Variants in DCTN1 observed in about 807,000 individuals in gnomAD.
DCTN1 encodes the protein 150 kDa dynein-associated polypeptide.
In DCTN1, 61 loss-of-function variants were observed where a neutral mutation model predicts 161.2. The observed-to-expected ratio is 0.38, with a 90% CI of 0.31 to 0.47. The LOEUF is 0.47. Ranked by LOEUF, DCTN1 falls within the 20% of genes least tolerant of loss-of-function variation. The pLI is 0.99. For synonymous variants in DCTN1, 653 were observed against 632.4 expected (o/e 1.03, Z -0.49); for missense variants, 1,404 against 1,623.7 (o/e 0.86, Z 2.33).
intron 1 of DCTN1, among the ~76,000 whole-genome samples, chr2:74,390,977 ATAT>A (rs1675970490): frequency 6.6e-6 from 1 of 152,226 alleles, no homozygotes; most frequent in Non-Finnish European, 1.5e-5. Context: ...TTCATGGTAA[ATAT>A]TATTAGCATA....
At chr2:74,380,344 G>C (rs1368058646), upstream of DCTN1, 1 of 541,690 alleles carries the variant, frequency 1.8e-6, no homozygotes, top group East Asian at 3.8e-5. Context: ...GTCAGGAACC[G>C]TGCTAGCCTC....
chr2:74,372,847 T>C (rs1674959027), intron 7 of DCTN1, 81 bp downstream of exon 7: 4 of 1,391,144 alleles, frequency 2.9e-6, no homozygotes, highest in South Asian at 2.3e-5. Context: ...CACTTGCTCA[T>C]ACACGTGCCC....
chr2:74,370,774 C>T lies in DCTN1; in HGVS notation c.895G>A (p.Asp299Asn). 2 of 1,614,218 alleles carry T rather than the reference C, an allele frequency of 1.2e-6. No homozygotes were observed. The highest frequency in any genetic ancestry group is 8.5e-7 in the Non-Finnish European group (1 of 1,180,036). ...GCCATCTCAATGGCATCAGCAGTAT[C>T]AGCCATCTCCTCCATATAGCGTTCC... is the stretch of plus-strand genomic sequence containing the variant. ...AKERYMEEMADTADAIEMATL... is the reference protein window; with the variant it reads ...AKERYMEEMANTADAIEMATL... The change falls in exon 10 of 32, where the codon GAT (aspartate) becomes AAT (asparagine). Residue 299 changes from aspartate (D) to asparagine (N), a missense_variant. Around this residue, in one of 9 missense-constraint regions of DCTN1, gnomAD observed 67 missense variants for 116.3 expected, o/e 0.58. Coordinates refer to ENST00000628224, the MANE Select transcript of DCTN1 (RefSeq NM_004082.5). This position sits in a 1 kb window ranked among gnomAD's most constrained non-coding sequence, Gnocchi z 4.4.
intron 2 of DCTN1, 115 bp downstream of exon 2, chr2:74,377,885 C>T (rs1214752193): frequency 3.9e-6 from 6 of 1,519,160 alleles, no homozygotes; most frequent in Non-Finnish European, 5.4e-6. Flanking sequence ...CTACCTTCCA[C>T]TCTCCCAACC....
intron 8 of DCTN1, 52 bp downstream of exon 8, chr2:74,371,485 C>A: frequency 1.3e-6 from 2 of 1,515,850 alleles, no homozygotes; most frequent in Non-Finnish European, 1.8e-6. Context: ...CAGCGGGTAG[C>A]CACAAGCCTC....
chr2:74,376,727 T>C lies in DCTN1; in HGVS notation c.414+15A>G. On this transcript the variant is annotated intron_variant, in intron 5 of 31. Coordinates refer to ENST00000628224, the MANE Select transcript of DCTN1 (RefSeq NM_004082.5). ...TGGCCCCCATCCACCCAGGCACAAA[T>C]AGTAAACACACCACCTTCTTAGGCT... 1.2e-6 allele frequency: 2 copies of C among 1,602,822 alleles called. No homozygotes were observed. Among genetic ancestry groups the C allele is most frequent in the Non-Finnish European group, 1.7e-6 (2 of 1,174,784 alleles).
chr2:74,375,525 C>G (rs1385838930), intron 5 of DCTN1, among the ~76,000 whole-genome samples: 1 of 152,204 alleles, frequency 6.6e-6, no homozygotes, highest in African/African-American at 2.4e-5. Context: ...CCCCAGGCAG[C>G]TGCCAAAGCC....
chr2:74,389,106 C>G (rs1675877748), intron 1 of DCTN1, among the ~76,000 whole-genome samples: 1 of 152,076 alleles, frequency 6.6e-6, no homozygotes, highest in Non-Finnish European at 1.5e-5. Flanking sequence ...TGGGAAACAG[C>G]ATTAGGAAGG....
At position 74,369,518 on chromosome 2, in the gene DCTN1, TAAAG is replaced by T. The variant is rs1558940741; in HGVS notation, c.1393-31_1393-28del. 1 of 1,608,728 alleles carries T rather than the reference TAAAG, an allele frequency of 6.2e-7. No individual in the cohort carries two copies. Among genetic ancestry groups the T allele is most frequent in the African/African-American group, 1.3e-5 (1 of 75,024 alleles). On this transcript the variant is annotated intron_variant, in intron 13 of 31. Coordinates refer to ENST00000628224, the MANE Select transcript of DCTN1 (RefSeq NM_004082.5). The surrounding 1 kb of genome is among the most constrained non-coding windows in gnomAD (Gnocchi z 4.9). ...TAGGACACCACACCATAGTTTGGGCTAAAGAAAGGCAGGGTCGGCCAGCGGCGGT... is the reference window on the plus strand; with the variant it reads ...TAGGACACCACACCATAGTTTGGGCTAAAGGCAGGGTCGGCCAGCGGCGGT...
intron 1 of DCTN1, among the ~76,000 whole-genome samples, chr2:74,389,194 T>G (rs181615857): frequency 6.6e-6 from 1 of 152,284 alleles, no homozygotes; most frequent in African/African-American, 2.4e-5. Context: ...ACCTGTCCCT[T>G]GATCACATTC....
At chr2:74,362,765 C>G in intron 29 of DCTN1, 36 bp from the exon 30 acceptor site, 1 of 1,601,184 alleles carries the variant, frequency 6.2e-7, no homozygotes, top group Non-Finnish European at 8.5e-7. Flanking sequence ...CCCACCAAGG[C>G]GCAGGCAGGC....
chr2:74,375,837 TC>T (rs995935325), intron 5 of DCTN1, among the ~76,000 whole-genome samples: 3 of 152,090 alleles, frequency 2.0e-5, no homozygotes, highest in African/African-American at 7.2e-5. Context: ...GGAGCTGGTT[TC>T]CCCCTGGAAA....
chr2:74,388,703 C>A (rs191098880), intron 1 of DCTN1, among the ~76,000 whole-genome samples: 34 of 152,324 alleles, frequency 2.2e-4, no homozygotes, highest in African/African-American at 7.0e-4. Context: ...ATGAATTCCT[C>A]CAGGACAGAG....
At position 74,366,307 on chromosome 2, in the gene DCTN1, G is replaced by A; in HGVS notation, c.2697C>T (p.Thr899=). Reference sequence around the variant, plus strand: ...GCATGGCTGTGGCCAGCTTGTTCATGGTACTGATGAGGATGTTGCATGACT... The same window carrying A: ...GCATGGCTGTGGCCAGCTTGTTCATAGTACTGATGAGGATGTTGCATGACT... ...LRQSCNILIS[T]MNKLATAMQE... The change falls in exon 23 of 32, where the codon ACC becomes ACT. Residue 899 remains threonine (T), a synonymous_variant. Coordinates refer to ENST00000628224, the MANE Select transcript of DCTN1 (RefSeq NM_004082.5). 6.2e-7 allele frequency: 1 copy of A among 1,614,202 alleles called. No homozygotes were observed. Among genetic ancestry groups the A allele is most frequent in the Non-Finnish European group, 8.5e-7 (1 of 1,180,034 alleles).
intron 1 of DCTN1, among the ~76,000 whole-genome samples, chr2:74,388,278 A>T (rs137863543): frequency 1.3e-5 from 2 of 152,186 alleles, no homozygotes; most frequent in Non-Finnish European, 2.9e-5. Flanking sequence ...GCTGAGGGGG[A>T]TCACTTGAGG....
chr2:74,391,807 G>T (rs1553468101), exon 1 of DCTN1: 1 of 453,898 alleles, frequency 2.2e-6, no homozygotes, highest in East Asian at 7.0e-5. Flanking sequence ...CACTGTGAGG[G>T]GCTCCGCGCC....
chr2:74,364,519 T>C, intron 26 of DCTN1: 1 of 180,956 alleles, frequency 5.5e-6, no homozygotes, highest in Non-Finnish European at 1.2e-5. Flanking sequence ...CTAGAACTGG[T>C]AACCAGAAAA....
upstream of DCTN1, chr2:74,383,743 C>G (rs1178696519): frequency 6.6e-6 from 1 of 152,194 alleles, no homozygotes; most frequent in Non-Finnish European, 1.5e-5. Flanking sequence ...GGAGACAGAC[C>G]TGAATATACC....
chr2:74,371,766 AGAG>A, intron 7 of DCTN1, 38 bp from the exon 8 acceptor site: 1 of 1,536,978 alleles, frequency 6.5e-7, no homozygotes, highest in Non-Finnish European at 8.9e-7. Context: ...GAAAGAAAGC[AGAG>A]GATAGGGGTA....
Sources: allele counts gnomAD v4.1 joint callset (sites outside exome capture counted in the v4.1 genomes callset), GRCh38; gene constraint gnomAD v4.1.1; regional missense constraint gnomAD v4.1.1; non-coding constraint Gnocchi (gnomAD v3.1); transcripts MANE v1.5; gene names NCBI Gene and HGNC (gene_info 2026-07-23, HGNC 2026-07-21).